KIAA1328: variants seen among roughly 807,000 people sequenced by gnomAD.
KIAA1328 encodes KIAA1328, also known as protein hinderin.
Under a neutral mutation model 68.1 loss-of-function variants are expected in KIAA1328, and 52 were observed. The observed-to-expected ratio is 0.76, with a 90% CI of 0.61 to 0.96. The LOEUF is 0.96. Ranked by LOEUF, KIAA1328 falls within the 40% of genes least tolerant of loss-of-function variation. The pLI, the probability that KIAA1328 is intolerant of heterozygous loss-of-function variation, is 0.00. For missense variants in KIAA1328, 641 were observed against 677.6 expected, an observed-to-expected ratio of 0.95 and a Z score of 0.60; for synonymous variants, 232 against 239.4, an observed-to-expected ratio of 0.97 and a Z score of 0.28.
At position 37,139,673 on chromosome 18, in the gene KIAA1328, C is replaced by T. The variant is rs139316369; in HGVS notation, c.1233-20527C>T. ...ACAAGTTAAATCTCATTGTCTCATC[C>T]CTGCATTAATTTTAACGTGAATTTA... On this transcript the variant is annotated intron_variant, in intron 7 of 9. Transcript: ENST00000280020. Among the ~76,000 whole-genome samples, 359 of 152,132 alleles carry T rather than the reference C, an allele frequency of 2.4e-3. 1 individual carries two copies. Among genetic ancestry groups the T allele is most frequent in the Non-Finnish European group, 3.5e-3 (236 of 67,998 alleles).
intron 6 of KIAA1328, among the ~76,000 whole-genome samples, chr18:36,983,075 T>A (rs1016913245): frequency 2.6e-5 from 4 of 151,906 alleles, no homozygotes; most frequent in African/African-American, 9.7e-5. Flanking sequence ...TTGCAATAGA[T>A]GGGACAAATA....
At chr18:37,230,924 A>T (rs2154228392), downstream of KIAA1328, 1 of 152,342 alleles carries the variant, frequency 6.6e-6, no homozygotes, top group South Asian at 2.1e-4. Context: ...AGAGTGGCAC[A>T]CCGGAACTGT....
chr18:37,027,820 T>C (rs2054649888), intron 6 of KIAA1328, among the ~76,000 whole-genome samples: 1 of 152,046 alleles, frequency 6.6e-6, no homozygotes, highest in South Asian at 2.1e-4. Flanking sequence ...AAGGACTTCA[T>C]GTCTAAAACA....
intron 6 of KIAA1328, among the ~76,000 whole-genome samples, chr18:36,961,340 T>G (rs915737128): frequency 6.6e-6 from 1 of 152,130 alleles, no homozygotes; most frequent in East Asian, 1.9e-4. Flanking sequence ...CTACATTTGG[T>G]TGGTGTACCT....
intron 7 of KIAA1328, among the ~76,000 whole-genome samples, chr18:37,098,795 T>A (rs75733945): frequency 0.14 from 21,570 of 152,140 alleles, 1,805 homozygotes; most frequent in Admixed American, 0.19. Flanking sequence ...TTCCTGGTTT[T>A]GTCTTGGGAG....
At chr18:37,057,392 A>G (rs893435657) in intron 6 of KIAA1328, among the ~76,000 whole-genome samples, 1 of 151,642 alleles carries the variant, frequency 6.6e-6, no homozygotes, top group Non-Finnish European at 1.5e-5. Context: ...TGGTTGGGGG[A>G]AAAGGATATT....
At chr18:37,137,954 C>T (rs1200143560) in intron 7 of KIAA1328, among the ~76,000 whole-genome samples, 1 of 152,098 alleles carries the variant, frequency 6.6e-6, no homozygotes, top group African/African-American at 2.4e-5. Context: ...AGATCCAATC[C>T]AATTATCTCT....
chr18:37,059,538 A>T (rs1264241736), intron 6 of KIAA1328, among the ~76,000 whole-genome samples: 1 of 152,230 alleles, frequency 6.6e-6, no homozygotes, highest in Non-Finnish European at 1.5e-5. Context: ...GTGAGGAAAC[A>T]ACAGATGCTG....
At chr18:37,135,905 A>G (rs888571771) in intron 7 of KIAA1328, among the ~76,000 whole-genome samples, 1 of 152,168 alleles carries the variant, frequency 6.6e-6, no homozygotes, top group African/African-American at 2.4e-5. Flanking sequence ...ATTATTGAAC[A>G]GGAACTCCTG....
chr18:36,843,574 T>C (rs1282774730), intron 3 of KIAA1328, among the ~76,000 whole-genome samples: 1 of 152,196 alleles, frequency 6.6e-6, no homozygotes, highest in African/African-American at 2.4e-5. Flanking sequence ...CTGGAACCTG[T>C]GTTTAAGTCT....
intron 5 of KIAA1328, among the ~76,000 whole-genome samples, chr18:36,915,022 A>T (rs1320072030): frequency 6.6e-6 from 1 of 152,234 alleles, no homozygotes; most frequent in Admixed American, 6.5e-5. Flanking sequence ...GATTCTTTGC[A>T]GCTATTCACA....
downstream of KIAA1328, among the ~76,000 whole-genome samples, chr18:37,228,511 A>T (rs1662904): frequency 1.3e-5 from 2 of 151,970 alleles, no homozygotes; most frequent in African/African-American, 4.8e-5. Flanking sequence ...CAAGACCCTC[A>T]GTGAGCAAAA....
chr18:36,925,576 G>T (rs1424648109), intron 5 of KIAA1328, among the ~76,000 whole-genome samples: 1 of 148,802 alleles, frequency 6.7e-6, no homozygotes, highest in Non-Finnish European at 1.5e-5. Context: ...TCACTCTGTT[G>T]CCCAGCCTGG....
intron 6 of KIAA1328, among the ~76,000 whole-genome samples, chr18:37,033,041 T>G (rs1400156503): frequency 6.6e-6 from 1 of 152,236 alleles, no homozygotes; most frequent in Non-Finnish European, 1.5e-5. Flanking sequence ...CTTTCTTCAC[T>G]AGTTTTTAGA....
rs1331568022 is a variant in KIAA1328, at chr18:37,223,404, T to A, written c.*1177T>A. 1 of 985,268 alleles carries A rather than the reference T, an allele frequency of 1.0e-6. No homozygotes were observed. Among genetic ancestry groups the A allele is most frequent in the Non-Finnish European group, 1.2e-6 (1 of 829,942 alleles). 61.0% of individuals were successfully genotyped at this position (985,268 alleles called of 1,614,324 possible). ...TCTCCCACAGAGCTCTTGAGATGGG[T>A]CCTTCAGCTTGCAGTGGTCCCTAGT... On this transcript the variant is annotated 3_prime_UTR_variant, in exon 10 of 10. Coordinates refer to ENST00000280020, the MANE Select transcript of KIAA1328 (RefSeq NM_020776.3).
intron 6 of KIAA1328, among the ~76,000 whole-genome samples, chr18:37,017,117 T>G (rs1298582756): frequency 6.6e-6 from 1 of 152,132 alleles, no homozygotes. Context: ...TAAACTTTTC[T>G]CTTAACATGG....
chr18:37,080,734 C>T (rs560306441), intron 7 of KIAA1328, among the ~76,000 whole-genome samples: 11 of 149,808 alleles, frequency 7.3e-5, no homozygotes, highest in Non-Finnish European at 1.5e-4. Flanking sequence ...GAGCCGAGAT[C>T]GCGCCACTTC....
At chr18:36,935,322 TCTC>T (rs972055283) in intron 5 of KIAA1328, among the ~76,000 whole-genome samples, 6 of 152,214 alleles carry the variant, frequency 3.9e-5, no homozygotes, top group Non-Finnish European at 5.9e-5. Flanking sequence ...TTTTTCCTCT[TCTC>T]CTTTTACCCT....
chr18:36,991,191 G>A (rs796778667), intron 6 of KIAA1328, among the ~76,000 whole-genome samples: 11 of 152,244 alleles, frequency 7.2e-5, no homozygotes, highest in African/African-American at 2.2e-4. Context: ...CTATAGTTGT[G>A]TGCTTACAAT....
Sources: allele counts gnomAD v4.1 joint callset (sites outside exome capture counted in the v4.1 genomes callset), GRCh38; gene constraint gnomAD v4.1.1; transcripts MANE v1.5; gene names NCBI Gene and HGNC (gene_info 2026-07-23, HGNC 2026-07-21).